The following WDFY2 variants were observed in gnomAD, a reference collection of about 807,000 sequenced individuals.
WDFY2 encodes WD repeat and FYVE domain-containing protein 2.
In WDFY2, 36 loss-of-function variants were observed where a neutral mutation model predicts 56.4. The ratio of observed to expected loss-of-function variants is 0.64; its 90% CI spans 0.49 to 0.84. The LOEUF (loss-of-function observed/expected upper bound fraction) is 0.84, where lower values mean the gene tolerates loss of function less well. Ranked by LOEUF, WDFY2 falls within the 40% of genes least tolerant of loss-of-function variation. WDFY2 has a pLI of 0.00. For missense variants in WDFY2, 444 were observed against 512.2 expected (o/e 0.87, Z 1.29); for synonymous variants, 176 against 183.7 (o/e 0.96, Z 0.34).
Position 51,743,805 on chromosome 13 carries a change from A to C in WDFY2, c.725+4630A>C, listed in dbSNP as rs140289104. On this transcript the variant is annotated intron_variant, in intron 7 of 11. Transcript: ENST00000298125. ...AGTGGGAGGCCTCAGTGCGGGGGTCACTCTTGGTTTGGATGATGTTAGATG... is the reference window on the plus strand; with the variant it reads ...AGTGGGAGGCCTCAGTGCGGGGGTCCCTCTTGGTTTGGATGATGTTAGATG... Among the ~76,000 whole-genome samples, 11 of 152,284 alleles carry C rather than the reference A, an allele frequency of 7.2e-5. No homozygotes were observed. In the East Asian group the frequency reaches 2.1e-3, roughly 29 times the overall value.
chr13:51,740,141 G>A (rs1952935256), intron 7 of WDFY2, among the ~76,000 whole-genome samples: 1 of 152,190 alleles, frequency 6.6e-6, no homozygotes, highest in African/African-American at 2.4e-5. Context: ...ATCTAGTTTG[G>A]AGTTGTTGGA....
chr13:51,678,518 T>A (rs1187349588), intron 3 of WDFY2, among the ~76,000 whole-genome samples: 1 of 152,246 alleles, frequency 6.6e-6, no homozygotes, highest in African/African-American at 2.4e-5. Context: ...TGCCAATAGT[T>A]TAACTTGTCT....
At chr13:51,602,255 A>T (rs1027189494) in intron 1 of WDFY2, among the ~76,000 whole-genome samples, 1 of 152,240 alleles carries the variant, frequency 6.6e-6, no homozygotes, top group Non-Finnish European at 1.5e-5. Flanking sequence ...GTGACATTGT[A>T]GCCATCTTAA....
At chr13:51,758,362 C>T in intron 11 of WDFY2, 62 bp downstream of exon 11, 1 of 1,267,704 alleles carries the variant, frequency 7.9e-7, no homozygotes, top group Non-Finnish European at 1.1e-6. Context: ...TACAGGAGCA[C>T]CAAGAACATG....
intron 1 of WDFY2, among the ~76,000 whole-genome samples, chr13:51,638,522 A>G (rs1013447326): frequency 1.3e-5 from 2 of 152,234 alleles, no homozygotes; most frequent in Non-Finnish European, 2.9e-5. Context: ...TTAAATGACT[A>G]TAGAATGATT....
At chr13:51,755,494 A>C in intron 9 of WDFY2, 35 bp downstream of exon 9, 1 of 1,587,864 alleles carries the variant, frequency 6.3e-7, no homozygotes, top group Non-Finnish European at 8.6e-7. Flanking sequence ...AAATGTAATT[A>C]TATGGAAATA....
chr13:51,722,533 A>G (rs1260757710), intron 5 of WDFY2, among the ~76,000 whole-genome samples: 1 of 152,210 alleles, frequency 6.6e-6, no homozygotes, highest in Non-Finnish European at 1.5e-5. Context: ...TCAGATTTGC[A>G]GGCCCTGAAA....
At chr13:51,756,602 T>C in intron 10 of WDFY2, 140 bp downstream of exon 10, 1 of 1,379,272 alleles carries the variant, frequency 7.3e-7, no homozygotes, top group Non-Finnish European at 9.4e-7. Flanking sequence ...CAGTAAAAGC[T>C]CTCCTTTGCC....
intron 1 of WDFY2, among the ~76,000 whole-genome samples, chr13:51,601,936 T>G (rs1034118670): frequency 8.5e-5 from 13 of 152,166 alleles, no homozygotes; most frequent in Non-Finnish European, 1.3e-4. Flanking sequence ...ACAATACAAA[T>G]TAAATAGAAG....
chr13:51,661,151 T>A (rs1218066485), intron 2 of WDFY2, among the ~76,000 whole-genome samples: 2 of 152,234 alleles, frequency 1.3e-5, no homozygotes, highest in African/African-American at 4.8e-5. Context: ...CCCAAGATCT[T>A]ATCTGAGAAT....
chr13:51,623,477 T>G (rs1330626680), intron 1 of WDFY2, among the ~76,000 whole-genome samples: 2 of 152,180 alleles, frequency 1.3e-5, no homozygotes, highest in Non-Finnish European at 2.9e-5. Flanking sequence ...TTCAGTGAGT[T>G]AATTCAGGGT....
chr13:51,708,485 A>G (rs1208228287), intron 4 of WDFY2, among the ~76,000 whole-genome samples: 4 of 152,104 alleles, frequency 2.6e-5, no homozygotes, highest in Non-Finnish European at 4.4e-5. Flanking sequence ...TCTCTAAATA[A>G]TAGAATAAAA....
In WDFY2 at chr13:51,693,828, A is replaced by G. The variant is rs375061204; in HGVS notation, c.280-9768A>G. On this transcript the variant is annotated intron_variant, in intron 3 of 11. Coordinates refer to ENST00000298125, the MANE Select transcript of WDFY2 (RefSeq NM_052950.4). Reference sequence around the variant, plus strand: ...ATTGTGTGGGAGTCTAAGTCTCTTTATAGGTCACTCAGGACTTGCTTTATG... The same window carrying G: ...ATTGTGTGGGAGTCTAAGTCTCTTTGTAGGTCACTCAGGACTTGCTTTATG... Among the ~76,000 whole-genome samples the G allele has an allele frequency of 4.6e-3, 697 of 151,956 alleles. 4 individuals carry two copies. Among genetic ancestry groups the G allele is most frequent in the African/African-American group, 0.015 (632 of 41,278 alleles).
chr13:51,710,647 GACAA>G (rs1170298111), intron 4 of WDFY2, among the ~76,000 whole-genome samples: 4 of 152,076 alleles, frequency 2.6e-5, no homozygotes, highest in Non-Finnish European at 5.9e-5. Context: ...ACCAATAACA[GACAA>G]ACAGAGAGCC....
chr13:51,732,146 T>C (rs1446453796), intron 6 of WDFY2, among the ~76,000 whole-genome samples: 1 of 152,224 alleles, frequency 6.6e-6, no homozygotes, highest in African/African-American at 2.4e-5. Context: ...TTTTTGTTTT[T>C]TTGAGACAGA....
intron 3 of WDFY2, among the ~76,000 whole-genome samples, chr13:51,676,014 A>C (rs1168888536): frequency 6.6e-6 from 1 of 152,190 alleles, no homozygotes; most frequent in Non-Finnish European, 1.5e-5. Flanking sequence ...CCTATGAATT[A>C]GAAGGCCCTG....
chr13:51,638,473 C>T (rs1955094324), intron 1 of WDFY2, among the ~76,000 whole-genome samples: 1 of 152,130 alleles, frequency 6.6e-6, no homozygotes. Flanking sequence ...CAAATAAGTG[C>T]AAGTGAGTGG....
At chr13:51,614,135 A>G (rs1000155429) in intron 1 of WDFY2, among the ~76,000 whole-genome samples, 2 of 150,830 alleles carry the variant, frequency 1.3e-5, no homozygotes, top group Admixed American at 1.3e-4. Flanking sequence ...GCAGTGAGCC[A>G]AGATCGTGCC....
chr13:51,590,546 T>G (rs1593846165), intron 1 of WDFY2: 1 of 152,202 alleles, frequency 6.6e-6, no homozygotes, highest in East Asian at 1.9e-4. Flanking sequence ...AGATTGTGAT[T>G]TAAGACTACT....
Sources: allele counts gnomAD v4.1 joint callset (sites outside exome capture counted in the v4.1 genomes callset), GRCh38; gene constraint gnomAD v4.1.1; transcripts MANE v1.5; gene names NCBI Gene and HGNC (gene_info 2026-07-23, HGNC 2026-07-21).